The following ROBO2 variants were observed in gnomAD, a reference collection of about 807,000 sequenced individuals.
ROBO2 encodes roundabout homolog 2.
ROBO2 carries 53 observed loss-of-function variants against 160.8 expected under a neutral mutation model. The ratio of observed to expected loss-of-function variants is 0.33; its 90% CI spans 0.26 to 0.41. The LOEUF is 0.41. ROBO2 is among the 10% of genes least tolerant of loss of function. The probability of loss-of-function intolerance (pLI) is 1.00; values close to 1 mark genes in which losing one functional copy is unlikely to be tolerated. For missense variants in ROBO2, 1,577 were observed against 1,722.4 expected (o/e 0.92, Z 1.49); for synonymous variants, 664 against 611.7 (o/e 1.09, Z -1.26).
At position 77,283,028 on chromosome 3, in the gene ROBO2, T is replaced by A. The variant is rs114608160; in HGVS notation, c.388+184688T>A. 9.5e-3 allele frequency among the ~76,000 whole-genome samples: 1,445 copies of A among 152,202 alleles called. 9 individuals are homozygous for A. Among genetic ancestry groups the A allele is most frequent in the Non-Finnish European group, 0.012 (834 of 67,986 alleles). On this transcript the variant is annotated intron_variant, in intron 2 of 25. Coordinates refer to ENST00000461745, the Ensembl canonical transcript of ROBO2. ...AATGTCAATTATGGCAAAAATATTT[T>A]CTGTACAACTTTGTTGTTTTTTAAA...
intron 2 of ROBO2, among the ~76,000 whole-genome samples, chr3:76,485,347 C>G (rs1433522530): frequency 6.6e-6 from 1 of 152,016 alleles, no homozygotes; most frequent in African/African-American, 2.4e-5. Context: ...GTTCATGCCC[C>G]TGTGAGAATC....
chr3:76,026,942 T>C (rs2066767499), intron 2 of ROBO2, among the ~76,000 whole-genome samples: 1 of 152,018 alleles, frequency 6.6e-6, no homozygotes, highest in African/African-American at 2.4e-5. Flanking sequence ...GAACCCCTCT[T>C]CAAGGATCTC....
At chr3:76,538,239 A>T (rs1287989558) in intron 2 of ROBO2, among the ~76,000 whole-genome samples, 1 of 151,946 alleles carries the variant, frequency 6.6e-6, no homozygotes, top group Non-Finnish European at 1.5e-5. Flanking sequence ...AAAAATAAAG[A>T]TTCTGGTTTA....
intron 2 of ROBO2, among the ~76,000 whole-genome samples, chr3:76,951,634 G>T (rs768753118): frequency 5.9e-5 from 9 of 152,132 alleles, no homozygotes; most frequent in African/African-American, 2.2e-4. Context: ...TATCATGCTT[G>T]CTTTCCCCCT....
In ROBO2 at chr3:77,040,847, G is replaced by C; in HGVS notation, c.61+1G>C. 6.2e-7 allele frequency: 1 copy of C among 1,614,012 alleles called. No homozygotes were observed. The highest frequency in any genetic ancestry group is 8.5e-7 in the Non-Finnish European group (1 of 1,179,996). On this transcript the variant is annotated splice_donor_variant, in intron 1 of 25. Coordinates refer to ENST00000461745, the Ensembl canonical transcript of ROBO2. LOFTEE classifies it high-confidence loss of function. Reference sequence around the variant, plus strand: ...GGATTTTTATATGTTCGGGTTGATGGTAAGTTAAAAATGCTTTCATCTTTT... The same window carrying C: ...GGATTTTTATATGTTCGGGTTGATGCTAAGTTAAAAATGCTTTCATCTTTT...
intron 2 of ROBO2, among the ~76,000 whole-genome samples, chr3:77,189,665 G>A (rs1431210733): frequency 6.6e-6 from 1 of 151,630 alleles, no homozygotes; most frequent in Non-Finnish European, 1.5e-5. Context: ...CATGTAAGCG[G>A]GTATATGAGT....
At chr3:76,948,940 G>A (rs866414471) in intron 2 of ROBO2, among the ~76,000 whole-genome samples, 7 of 119,922 alleles carry the variant, frequency 5.8e-5, no homozygotes, top group African/African-American at 2.4e-4. Flanking sequence ...TAGTAGAGAT[G>A]GGGTTTCACC....
intron 2 of ROBO2, among the ~76,000 whole-genome samples, chr3:76,570,620 A>G (rs1190623934): frequency 6.6e-6 from 1 of 152,110 alleles, no homozygotes; most frequent in Non-Finnish European, 1.5e-5. Flanking sequence ...CTTTTCATCT[A>G]TTTGCTAAGC....
intron 2 of ROBO2, among the ~76,000 whole-genome samples, chr3:76,517,816 C>A (rs1483980581): frequency 6.6e-6 from 1 of 152,066 alleles, no homozygotes; most frequent in East Asian, 1.9e-4. Context: ...GGGTATCTAC[C>A]TTTTCCTCTC....
chr3:76,803,468 G>GAAGGAAGA (rs1270375267), intron 2 of ROBO2, among the ~76,000 whole-genome samples: 20 of 137,414 alleles, frequency 1.5e-4, no homozygotes, highest in South Asian at 5.6e-4. Flanking sequence ...AGGAAGAAAG[G>GAAGGAAGA]AAGGAAGGGA....
At chr3:77,202,794 T>C (rs2083039275) in intron 2 of ROBO2, among the ~76,000 whole-genome samples, 1 of 152,104 alleles carries the variant, frequency 6.6e-6, no homozygotes, top group Non-Finnish European at 1.5e-5. Context: ...ATCAGGTGCC[T>C]CCCTGGGTGA....
intron 2 of ROBO2, among the ~76,000 whole-genome samples, chr3:76,852,295 A>G (rs779470209): frequency 5.3e-5 from 8 of 152,160 alleles, no homozygotes; most frequent in Non-Finnish European, 8.8e-5. Context: ...AGAGCTTGGC[A>G]TATTTGCTTC....
At chr3:76,386,248 A>G (rs1347549859) in intron 2 of ROBO2, among the ~76,000 whole-genome samples, 1 of 152,026 alleles carries the variant, frequency 6.6e-6, no homozygotes, top group African/African-American at 2.4e-5. Flanking sequence ...TGCTCAGAAG[A>G]ACACAGGTTA....
intron 6 of ROBO2, among the ~76,000 whole-genome samples, chr3:77,524,994 GA>G (rs1341138635): frequency 6.6e-6 from 1 of 151,042 alleles, no homozygotes; most frequent in Admixed American, 6.6e-5. Context: ...TTACCATTAG[GA>G]AAAGCATTTG....
At position 76,713,956 on chromosome 3, in the gene ROBO2, TA is replaced by T. The variant is rs531361701; in HGVS notation, c.110-384054del. Among the ~76,000 whole-genome samples the T allele has an allele frequency of 7.1e-4, 90 of 126,586 alleles. 1 individual carries two copies. Among genetic ancestry groups the T allele is most frequent in the Admixed American group, 5.7e-3 (72 of 12,522 alleles). The allele number at this position is 126,586 out of a possible 152,430, so 83.0% of individuals were successfully genotyped here. ...GTAGTAAGTTTAGAACTGTGCATTTTAAAAGTAAAAAAAAAAATGAGACTTC... is the reference window on the plus strand; with the variant it reads ...GTAGTAAGTTTAGAACTGTGCATTTTAAAGTAAAAAAAAAAATGAGACTTC... On this transcript the variant is annotated intron_variant, in intron 2 of 26. Coordinates refer to the ROBO2 transcript ENST00000487694.
At chr3:76,338,155 T>A (rs758560131) in intron 2 of ROBO2, among the ~76,000 whole-genome samples, 13 of 152,294 alleles carry the variant, frequency 8.5e-5, no homozygotes, top group Non-Finnish European at 1.5e-4. Flanking sequence ...TTAGTTTCCT[T>A]CTCAGCCTAT....
At chr3:76,941,221 A>T (rs2078165765) in intron 2 of ROBO2, among the ~76,000 whole-genome samples, 1 of 152,086 alleles carries the variant, frequency 6.6e-6, no homozygotes, top group South Asian at 2.1e-4. Context: ...TTTCACTTGA[A>T]TTACTCCAGT....
At chr3:77,554,456 G>A (rs764471342) in intron 8 of ROBO2, among the ~76,000 whole-genome samples, 94 of 152,064 alleles carry the variant, frequency 6.2e-4, no homozygotes, top group Admixed American at 1.7e-3. Context: ...TATAGCTGCT[G>A]TAGACAGTAA....
At chr3:77,180,931 GAA>G (rs2080722083) in intron 2 of ROBO2, among the ~76,000 whole-genome samples, 1 of 151,876 alleles carries the variant, frequency 6.6e-6, no homozygotes, top group South Asian at 2.1e-4. Flanking sequence ...AATGATTTTT[GAA>G]AAAGAGTTAC....
Sources: allele counts gnomAD v4.1 joint callset (sites outside exome capture counted in the v4.1 genomes callset), GRCh38; gene constraint gnomAD v4.1.1; transcripts MANE v1.5; gene names NCBI Gene and HGNC (gene_info 2026-07-23, HGNC 2026-07-21).